The following TM9SF3 variants were observed in gnomAD, a reference collection of about 807,000 sequenced individuals.
The protein encoded by TM9SF3 is transmembrane 9 superfamily member 3.
A neutral mutation model predicts 78.6 loss-of-function variants in TM9SF3; 14 were observed. The ratio of observed to expected loss-of-function variants is 0.18; its 90% CI spans 0.12 to 0.28. The LOEUF is 0.28. Ranked by LOEUF, TM9SF3 falls within the 10% of genes least tolerant of loss-of-function variation. The probability of loss-of-function intolerance (pLI) is 1.00; values close to 1 mark genes in which losing one functional copy is unlikely to be tolerated. For synonymous variants in TM9SF3, 231 were observed against 241.7 expected, an observed-to-expected ratio of 0.96 and a Z score of 0.41; for missense variants, 496 against 721.9, an observed-to-expected ratio of 0.69 and a Z score of 3.59.
intron 2 of TM9SF3, among the ~76,000 whole-genome samples, chr10:96,568,216 T>C (rs1321452576): frequency 6.6e-6 from 1 of 152,200 alleles, no homozygotes; most frequent in Non-Finnish European, 1.5e-5. Context: ...GGGAGCCAAT[T>C]TGAAAATAAC....
At chr10:96,527,995 G>A in intron 12 of TM9SF3, 36 bp downstream of exon 12, 1 of 1,583,138 alleles carries the variant, frequency 6.3e-7, no homozygotes, top group Non-Finnish European at 8.6e-7. Flanking sequence ...AAAATATTAT[G>A]GTTCCCCAAA....
At chr10:96,534,898 T>C (rs755350760) in intron 9 of TM9SF3, among the ~76,000 whole-genome samples, 1 of 152,236 alleles carries the variant, frequency 6.6e-6, no homozygotes, top group African/African-American at 2.4e-5. Context: ...GTGTATATAC[T>C]GAACTGAATG....
At chr10:96,525,960 AAC>A (rs1336774097) in intron 14 of TM9SF3, among the ~76,000 whole-genome samples, 3 of 152,078 alleles carry the variant, frequency 2.0e-5, no homozygotes, top group Non-Finnish European at 4.4e-5. Context: ...ACTGTGCAGA[AAC>A]ACAGACACAA....
At chr10:96,534,806 A>G (rs1475891033) in intron 9 of TM9SF3, among the ~76,000 whole-genome samples, 4 of 152,190 alleles carry the variant, frequency 2.6e-5, no homozygotes, top group Non-Finnish European at 5.9e-5. Context: ...TCTATACCAA[A>G]TATCAGTATA....
chr10:96,561,805 CCT>C (rs1010554805), intron 4 of TM9SF3, among the ~76,000 whole-genome samples, 171 bp downstream of exon 4: 2 of 152,202 alleles, frequency 1.3e-5, no homozygotes, highest in African/African-American at 4.8e-5. Flanking sequence ...TGAAGCAAAT[CCT>C]CTCTTTGCTT....
chr10:96,545,499 G>A (rs1210229511), intron 8 of TM9SF3, among the ~76,000 whole-genome samples: 1 of 152,146 alleles, frequency 6.6e-6, no homozygotes, highest in Non-Finnish European at 1.5e-5. Context: ...CAAAAAGGTG[G>A]TGATTAATTA....
chr10:96,557,833 C>T (rs1384528045), intron 5 of TM9SF3, among the ~76,000 whole-genome samples: 2 of 152,184 alleles, frequency 1.3e-5, no homozygotes, highest in Non-Finnish European at 2.9e-5. Flanking sequence ...GCAACTTACC[C>T]GACCCCTGGT....
chr10:96,586,809 G>A lies in TM9SF3; in HGVS notation c.27C>T (p.Gly9=), dbSNP rs1848637943. 4 of 1,268,896 alleles carry A rather than the reference G, an allele frequency of 3.2e-6. No homozygotes were observed. The highest frequency in any genetic ancestry group is 6.6e-5 in the East Asian group (2 of 30,280). 78.6% of individuals were successfully genotyped at this position (1,268,896 alleles called of 1,614,324 possible). A position where few individuals can be genotyped will look rare whatever the true frequency, so the allele number is the denominator to read the frequency against. The change falls in exon 1 of 15, where the codon GGC becomes GGT. Residue 9 remains glycine, a synonymous_variant. Coordinates refer to ENST00000371142, the MANE Select transcript of TM9SF3 (RefSeq NM_020123.4). ...GCCACAGCGCGGCGGCCGCCGCCAC[G>A]CCAAGAGCGCCAGGCAGCGGCCTCA... MRPLPGAL[G]VAAAAALWLL...
At position 96,521,418 on chromosome 10, in the gene TM9SF3, G is replaced by A. The variant is rs1847770898; in HGVS notation, c.*845C>T. 1 of 152,180 alleles carries A rather than the reference G, an allele frequency of 6.6e-6. No individual in the cohort carries two copies. Among genetic ancestry groups the A allele is most frequent in the Admixed American group, 6.6e-5 (1 of 15,210 alleles). 9.4% of individuals were successfully genotyped at this position (152,180 alleles called of 1,614,324 possible). A position where few individuals can be genotyped will look rare whatever the true frequency, so the allele number is the denominator to read the frequency against. ...CCAAAAGATTTAAGACTAACTTGGG[G>A]GGAAAAAAGATAATCACTTTAGACA... On this transcript the variant is annotated 3_prime_UTR_variant, in exon 15 of 15. Transcript: ENST00000371142.
At chr10:96,533,004 T>C (rs758359677) in intron 10 of TM9SF3, 47 bp downstream of exon 10, 1 of 1,606,772 alleles carries the variant, frequency 6.2e-7, no homozygotes, top group Admixed American at 1.7e-5. Context: ...CCTTAAGAAC[T>C]TATATATTGT....
intron 4 of TM9SF3, 143 bp downstream of exon 4, chr10:96,561,835 G>A (rs921253862): frequency 4.4e-5 from 31 of 709,166 alleles, no homozygotes; most frequent in Middle Eastern, 3.3e-4. Context: ...GCTTACTTAC[G>A]TACACTGAGA....
At position 96,586,978 on chromosome 10, in the gene TM9SF3, C is replaced by T. The variant is rs1395271065; in HGVS notation, c.-143G>A. ...CGGGGCCCGGCCCAGCCGCTGCCTC[C>T]TCTGCCGCCGCCGTCGCCGTCACCG... On this transcript the variant is annotated 5_prime_UTR_variant, in exon 1 of 15. Transcript: ENST00000371142. The T allele has an allele frequency of 5.2e-6, 3 of 581,704 alleles. No homozygotes were observed. Among genetic ancestry groups the T allele is most frequent in the Non-Finnish European group, 7.0e-6 (3 of 429,060 alleles). The allele number at this position is 581,704 out of a possible 1,614,324, so 36.0% of individuals were successfully genotyped here. A position where few individuals can be genotyped will look rare whatever the true frequency, so the allele number is the denominator to read the frequency against.
At chr10:96,555,607 A>G (rs1455486649) in intron 5 of TM9SF3, among the ~76,000 whole-genome samples, 1 of 152,130 alleles carries the variant, frequency 6.6e-6, no homozygotes, top group Non-Finnish European at 1.5e-5. Context: ...AACGAGATAA[A>G]CTCTATGGAT....
At chr10:96,580,193 C>T (rs970021220) in intron 1 of TM9SF3, among the ~76,000 whole-genome samples, 3 of 152,224 alleles carry the variant, frequency 2.0e-5, no homozygotes, top group African/African-American at 4.8e-5. Flanking sequence ...AATCTCACTG[C>T]TACACTTACG....
At position 96,563,833 on chromosome 10, in the gene TM9SF3, T is replaced by TG. The variant is rs1260262212; in HGVS notation, c.421+1470_421+1471insC. Among the ~76,000 whole-genome samples the TG allele has an allele frequency of 3.7e-3, 554 of 151,032 alleles. 2 individuals carry two copies. Among genetic ancestry groups the TG allele is most frequent in the Admixed American group, 8.7e-3 (132 of 15,144 alleles). On this transcript the variant is annotated intron_variant, in intron 3 of 14. Coordinates refer to ENST00000371142, the MANE Select transcript of TM9SF3 (RefSeq NM_020123.4). ...ACGAAAAGTCAGGTACAAAGTTGTT[T>TG]TTTTTTTTTTTCTGACAAGGATTCT...
intron 8 of TM9SF3, among the ~76,000 whole-genome samples, chr10:96,547,446 A>G (rs1242641852): frequency 6.6e-6 from 1 of 152,232 alleles, no homozygotes; most frequent in Non-Finnish European, 1.5e-5. Context: ...TTTAGGAAAT[A>G]AAACGCGAGA....
At chr10:96,546,784 A>G (rs1006476444) in intron 8 of TM9SF3, among the ~76,000 whole-genome samples, 34 of 152,208 alleles carry the variant, frequency 2.2e-4, no homozygotes, top group Admixed American at 5.9e-4. Context: ...CCGATTTCCT[A>G]TAACCTATAA....
At chr10:96,539,545 G>A (rs539093796) in intron 9 of TM9SF3, among the ~76,000 whole-genome samples, 10 of 152,272 alleles carry the variant, frequency 6.6e-5, no homozygotes, top group African/African-American at 2.2e-4. Flanking sequence ...AGAAAAGAAA[G>A]GATGAATTAT....
intron 1 of TM9SF3, among the ~76,000 whole-genome samples, chr10:96,581,124 A>C (rs997901877): frequency 2.0e-5 from 3 of 152,170 alleles, no homozygotes; most frequent in African/African-American, 7.2e-5. Flanking sequence ...AGCTATTTGC[A>C]CTCTAATCTC....
Sources: gnomAD v4.1 joint callset for allele counts (sites outside exome capture counted in the v4.1 genomes callset) on GRCh38, gnomAD v4.1.1 for gene constraint, MANE v1.5 for transcripts, NCBI Gene and HGNC (gene_info 2026-07-23, HGNC 2026-07-21) for gene names.